POLA2: variants seen among roughly 807,000 people sequenced by gnomAD.
The protein encoded by POLA2 is DNA polymerase alpha 2, accessory subunit.
A neutral mutation model predicts 82.8 loss-of-function variants in POLA2; 47 were observed. The ratio of observed to expected loss-of-function variants is 0.57; its 90% confidence interval spans 0.45 to 0.72. The LOEUF is 0.72. POLA2 is among the 30% of genes least tolerant of loss of function. The pLI is 0.00. For synonymous variants in POLA2, 287 were observed against 286.8 expected (o/e 1.00, Z -0.01); for missense variants, 634 against 728.1 (o/e 0.87, Z 1.49).
chr11:65,290,248 C>CA (rs34183279), intron 13 of POLA2, among the ~76,000 whole-genome samples: 1,747 of 70,998 alleles, frequency 0.025, 137 homozygotes, highest in Admixed American at 0.18. Context: ...AACTCCATCT[C>CA]AAAAAAAAAA....
intron 8 of POLA2, 71 bp downstream of exon 8, chr11:65,281,218 C>A: frequency 6.7e-7 from 1 of 1,489,486 alleles, no homozygotes; most frequent in Non-Finnish European, 9.2e-7. Flanking sequence ...CTGTGCCATG[C>A]GCAGCTGCTC....
intron 13 of POLA2, among the ~76,000 whole-genome samples, chr11:65,290,233 A>G (rs1467535398): frequency 7.2e-6 from 1 of 139,306 alleles, no homozygotes; most frequent in African/African-American, 2.8e-5. Context: ...AGGCAAAAAG[A>G]GCGCAACTCC....
At position 65,276,062 on chromosome 11, in the gene POLA2, T is replaced by C. The variant is rs1949576298; in HGVS notation, c.461+64T>C. On this transcript the variant is annotated intron_variant, in intron 5 of 17. Transcript: ENST00000265465. The stretch of plus-strand genomic sequence containing the variant: ...CTCCCCTCCCCTTTCTCTGGCTATC[T>C]GAGGAAGGCTAACAGCAGAGTTATT... The C allele has an allele frequency of 3.5e-6, 3 of 859,790 alleles. No homozygotes were observed. In the Admixed American group the frequency reaches 7.6e-5, roughly 22 times the overall value. The allele number at this position is 859,790 out of a possible 1,614,324, so 53.3% of individuals were successfully genotyped here. A position where few individuals can be genotyped will look rare whatever the true frequency, so the allele number is the denominator to read the frequency against.
intron 13 of POLA2, among the ~76,000 whole-genome samples, chr11:65,290,287 C>T (rs1012439930): frequency 2.1e-5 from 3 of 139,798 alleles, no homozygotes; most frequent in Non-Finnish European, 4.6e-5. Flanking sequence ...TGGTGGCTCA[C>T]GCACTTTGGG....
intron 10 of POLA2, among the ~76,000 whole-genome samples, chr11:65,285,144 C>T (rs1949682635): frequency 6.6e-6 from 1 of 151,868 alleles, no homozygotes; most frequent in Non-Finnish European, 1.5e-5. Flanking sequence ...AGTGGTTCAC[C>T]CCTGTAATCC....
At chr11:65,287,605 A>G (rs1316735476) in intron 10 of POLA2, 111 bp from the exon 11 acceptor site, 7 of 984,464 alleles carry the variant, frequency 7.1e-6, no homozygotes, top group Non-Finnish European at 1.1e-5. Context: ...AGTTTCACAC[A>G]TAAAGGACTC....
rs746570297 is a variant in POLA2, at chr11:65,278,851, G to A, written c.583G>A (p.Val195Ile). The A allele has an allele frequency of 1.2e-6, 2 of 1,613,832 alleles. No homozygotes were observed. Among genetic ancestry groups the A allele is most frequent in the East Asian group, 2.2e-5 (1 of 44,890 alleles). ...RGGAGNISLK[V>I]LGCPEALTGS... Reference sequence around the variant, plus strand: ...AGGAGCTGGAAACATCAGCCTGAAGGTCTTGGGATGTCCAGAGGCACTAAC... The same window carrying A: ...AGGAGCTGGAAACATCAGCCTGAAGATCTTGGGATGTCCAGAGGCACTAAC... The change falls in exon 6 of 18, where the codon GTC becomes ATC. Residue 195 changes from valine (V) to isoleucine (I), a missense_variant. Val to Ile is a conservative substitution (Grantham distance 29). Coordinates refer to ENST00000265465, the MANE Select transcript of POLA2 (RefSeq NM_002689.4).
chr11:65,295,450 C>G lies in POLA2; in HGVS notation c.1461-90C>G. 3 of 1,168,770 alleles carry G rather than the reference C, an allele frequency of 2.6e-6. No homozygotes were observed. The South Asian group carries it at 3.7e-5, about 15-fold the overall frequency. 72.4% of individuals were successfully genotyped at this position (1,168,770 alleles called of 1,614,324 possible). A position where few individuals can be genotyped will look rare whatever the true frequency, so the allele number is the denominator to read the frequency against. On this transcript the variant is annotated intron_variant, in intron 15 of 17. Transcript: ENST00000265465. ...TTGCTGTGCCTTGGCCATTTACCTT[C>G]TCTCTGGTTTATTAAATTCTCCAGT...
chr11:65,268,503 C>A (rs1458910554), intron 3 of POLA2, among the ~76,000 whole-genome samples, 169 bp from the exon 4 acceptor site: 1 of 151,596 alleles, frequency 6.6e-6, no homozygotes, highest in African/African-American at 2.4e-5. Context: ...AGGCGCCCGG[C>A]TAATTTTTTG....
At chr11:65,290,020 G>A (rs1229844659) in intron 13 of POLA2, 148 bp downstream of exon 13, 16 of 572,104 alleles carry the variant, frequency 2.8e-5, no homozygotes, top group African/African-American at 3.8e-5. Flanking sequence ...AGGCCGAGGC[G>A]GGCACATCAC....
chr11:65,271,742 G>C (rs944635074), intron 4 of POLA2, among the ~76,000 whole-genome samples: 15 of 151,692 alleles, frequency 9.9e-5, no homozygotes, highest in African/African-American at 3.6e-4. Context: ...AGGAGGCTGA[G>C]GCAGGAGAAT....
chr11:65,299,203 G>A (rs547188105), downstream of POLA2, among the ~76,000 whole-genome samples: 4 of 152,322 alleles, frequency 2.6e-5, no homozygotes, highest in East Asian at 1.9e-4. Flanking sequence ...GGTCAGGCCC[G>A]TCTGCCTCAG....
At chr11:65,286,464 C>T (rs961172976) in intron 10 of POLA2, among the ~76,000 whole-genome samples, 3 of 151,770 alleles carry the variant, frequency 2.0e-5, no homozygotes, top group Admixed American at 1.3e-4. Context: ...TCACAGCTCA[C>T]TGCAGCCTCA....
intron 1 of POLA2, among the ~76,000 whole-genome samples, chr11:65,263,579 G>C (rs1949424874): frequency 6.6e-6 from 1 of 152,140 alleles, no homozygotes; most frequent in African/African-American, 2.4e-5. Context: ...TGTAATCCCA[G>C]CATTTTGGGA....
intron 1 of POLA2, among the ~76,000 whole-genome samples, chr11:65,265,480 TTTTC>T (rs1451135281): frequency 2.0e-5 from 3 of 151,954 alleles, no homozygotes; most frequent in African/African-American, 7.3e-5. Flanking sequence ...CACTACTAGT[TTTTC>T]TTTCTTTTTT....
chr11:65,302,492 C>T (rs1439383535), downstream of POLA2, among the ~76,000 whole-genome samples: 1 of 152,094 alleles, frequency 6.6e-6, no homozygotes, highest in Non-Finnish European at 1.5e-5. Flanking sequence ...GAGAAGGCAC[C>T]ATCACTCCTG....
chr11:65,292,545 G>A (rs1388832665), intron 13 of POLA2, among the ~76,000 whole-genome samples: 1 of 152,234 alleles, frequency 6.6e-6, no homozygotes, highest in East Asian at 1.9e-4. Flanking sequence ...TCAAGCCCTT[G>A]AGATGTGGAG....
In POLA2 at chr11:65,297,125, C is replaced by A. The variant is rs747741182; in HGVS notation, c.1653C>A (p.Val551=). Residue 551 remains valine, a synonymous_variant, in exon 18 of 18, where the codon GTC becomes GTA. Coordinates refer to ENST00000265465, the MANE Select transcript of POLA2 (RefSeq NM_002689.4). ...ACCTCTCCTCTCCTCCCCAGGATGT[C>A]CTCGGCTGTGTCTGTGTGAACCCTG... ...PSELRYFVKD[V]LGCVCVNPGR... 5.0e-6 allele frequency: 8 copies of A among 1,613,936 alleles called. No individual in the cohort carries two copies. In the Admixed American group the frequency reaches 1.3e-4, roughly 27 times the overall value.
chr11:65,263,776 G>A (rs1249152346), intron 1 of POLA2, among the ~76,000 whole-genome samples: 1 of 150,564 alleles, frequency 6.6e-6, no homozygotes, highest in Non-Finnish European at 1.5e-5. Flanking sequence ...GTGGTGAGCC[G>A]AGATCACACC....
Sources: allele counts gnomAD v4.1 joint callset (sites outside exome capture counted in the v4.1 genomes callset), GRCh38; gene constraint gnomAD v4.1.1; transcripts MANE v1.5; gene names NCBI Gene and HGNC (gene_info 2026-07-23, HGNC 2026-07-21).